The following NELL2 variants were observed in gnomAD, a reference collection of about 807,000 sequenced individuals.
NELL2 encodes protein kinase C-binding protein NELL2.
A neutral mutation model predicts 109.6 loss-of-function variants in NELL2; 41 were observed. The observed-to-expected ratio is 0.37, with a 90% confidence interval of 0.29 to 0.49. The LOEUF (loss-of-function observed/expected upper bound fraction) is 0.49, where lower values mean the gene tolerates loss of function less well. NELL2 is among the 20% of genes least tolerant of loss of function. The pLI is 0.98. For missense variants in NELL2, 900 were observed against 1,008.3 expected, an observed-to-expected ratio of 0.89 and a Z score of 1.45; for synonymous variants, 355 against 344.7, an observed-to-expected ratio of 1.03 and a Z score of -0.33.
intron 13 of NELL2, among the ~76,000 whole-genome samples, chr12:44,644,582 A>ATATATATATATATATGTATGTATG (rs1946991314): frequency 8.8e-5 from 6 of 68,410 alleles, no homozygotes; most frequent in African/African-American, 4.3e-4. Context: ...AAAGTAAAGT[A>ATATATATATATATATGTATGTATG]TATATATATA....
chr12:44,576,375 C>T (rs1944085077), intron 15 of NELL2, among the ~76,000 whole-genome samples: 1 of 152,130 alleles, frequency 6.6e-6, no homozygotes, highest in African/African-American at 2.4e-5. Context: ...AGTGGTGAGT[C>T]TTTTCCACGA....
At chr12:44,791,125 A>G (rs1371969889) in intron 3 of NELL2, among the ~76,000 whole-genome samples, 2 of 97,562 alleles carry the variant, frequency 2.0e-5, no homozygotes, top group Non-Finnish European at 4.0e-5. Context: ...ATATATGTAT[A>G]TATATATATA....
chr12:44,782,244 G>A (rs1334383049), intron 3 of NELL2, among the ~76,000 whole-genome samples: 1 of 151,604 alleles, frequency 6.6e-6, no homozygotes, highest in Non-Finnish European at 1.5e-5. Flanking sequence ...AATACCTACA[G>A]CAACCACTTA....
chr12:44,713,711 T>A (rs541238838), intron 10 of NELL2, among the ~76,000 whole-genome samples: 18 of 152,008 alleles, frequency 1.2e-4, no homozygotes, highest in South Asian at 4.2e-4. Context: ...CCTCCTTGCT[T>A]ATCTCAAAGG....
At chr12:44,809,052 T>G (rs1943091662) in intron 3 of NELL2, among the ~76,000 whole-genome samples, 1 of 151,988 alleles carries the variant, frequency 6.6e-6, no homozygotes, top group Non-Finnish European at 1.5e-5. Flanking sequence ...AATAAACCCC[T>G]TGGAACAAAT....
chr12:44,584,016 C>T (rs769423284), intron 15 of NELL2, among the ~76,000 whole-genome samples: 5 of 152,176 alleles, frequency 3.3e-5, no homozygotes, highest in Non-Finnish European at 4.4e-5. Context: ...TCAAGCGATC[C>T]GCCCACCTTG....
chr12:44,661,788 C>G (rs938935525), intron 13 of NELL2, among the ~76,000 whole-genome samples: 2 of 152,288 alleles, frequency 1.3e-5, no homozygotes, highest in Admixed American at 1.3e-4. Context: ...GAATGGGCCT[C>G]AAGCATCTTG....
chr12:44,746,241 C>G (rs1016457280), intron 9 of NELL2, among the ~76,000 whole-genome samples: 4 of 152,092 alleles, frequency 2.6e-5, no homozygotes, highest in African/African-American at 9.7e-5. Flanking sequence ...AATTGGCTAG[C>G]CATATGTAGA....
intron 3 of NELL2, among the ~76,000 whole-genome samples, chr12:44,780,908 A>G (rs1941934354): frequency 6.6e-6 from 1 of 152,118 alleles, no homozygotes; most frequent in South Asian, 2.1e-4. Flanking sequence ...TCCCCTGACA[A>G]AGCAGTGTCA....
intron 14 of NELL2, among the ~76,000 whole-genome samples, chr12:44,609,303 T>C (rs1250818456): frequency 6.6e-6 from 1 of 151,932 alleles, no homozygotes; most frequent in Non-Finnish European, 1.5e-5. Context: ...GTGTATTTGA[T>C]AATCGGGAAG....
At chr12:44,896,087 G>T (rs1945589730) in intron 1 of NELL2, among the ~76,000 whole-genome samples, 1 of 152,166 alleles carries the variant, frequency 6.6e-6, no homozygotes, top group Non-Finnish European at 1.5e-5. Flanking sequence ...AATTAAAATA[G>T]TGATCATTCA....
chr12:44,898,788 G>A (rs1432980424), intron 1 of NELL2, among the ~76,000 whole-genome samples: 1 of 152,148 alleles, frequency 6.6e-6, no homozygotes, highest in Non-Finnish European at 1.5e-5. Context: ...GCTTCAGAAG[G>A]TGGGTAATAA....
intron 2 of NELL2, among the ~76,000 whole-genome samples, chr12:44,845,382 A>T (rs1415254632): frequency 6.6e-6 from 1 of 152,214 alleles, no homozygotes; most frequent in East Asian, 1.9e-4. Context: ...TGTTCAACAC[A>T]GTACAGTATA....
upstream of NELL2, chr12:44,876,450 C>T: frequency 7.7e-7 from 1 of 1,294,466 alleles, no homozygotes; most frequent in Non-Finnish European, 9.8e-7. Context: ...CCCGCACGGT[C>T]TCCTGGATGC....
chr12:44,528,812 C>T (rs1941916463), intron 16 of NELL2, among the ~76,000 whole-genome samples: 1 of 152,022 alleles, frequency 6.6e-6, no homozygotes, highest in Admixed American at 6.6e-5. Context: ...ATTAGCAGTC[C>T]AGGAGAAACC....
chr12:44,674,208 A>C (rs1039832896), intron 12 of NELL2, among the ~76,000 whole-genome samples: 1 of 152,172 alleles, frequency 6.6e-6, no homozygotes, highest in African/African-American at 2.4e-5. Context: ...GATATAAATA[A>C]TTTTCTGACT....
At chr12:44,593,358 C>A (rs894131580) in intron 15 of NELL2, among the ~76,000 whole-genome samples, 2 of 152,068 alleles carry the variant, frequency 1.3e-5, no homozygotes, top group African/African-American at 2.4e-5. Context: ...AAAAGGCAGT[C>A]AGGCAGGAGG....
chr12:44,721,965 G>A (rs1391342585), intron 9 of NELL2, among the ~76,000 whole-genome samples: 2 of 151,946 alleles, frequency 1.3e-5, no homozygotes, highest in African/African-American at 2.4e-5. Flanking sequence ...GTTAAAGGGA[G>A]CAAGCTCTGT....
intron 15 of NELL2, among the ~76,000 whole-genome samples, chr12:44,573,700 T>C (rs1943959054): frequency 6.6e-6 from 1 of 152,210 alleles, no homozygotes; most frequent in African/African-American, 2.4e-5. Flanking sequence ...ATTTAAGTGA[T>C]TAGAATGAAA....
Sources: allele counts gnomAD v4.1 joint callset (sites outside exome capture counted in the v4.1 genomes callset), GRCh38; gene constraint gnomAD v4.1.1; transcripts MANE v1.5; gene names NCBI Gene and HGNC (gene_info 2026-07-23, HGNC 2026-07-21).